SAMD5: variants seen among roughly 807,000 people sequenced by gnomAD.
SAMD5 encodes the protein sterile alpha motif domain containing 5.
A neutral mutation model predicts 11.3 loss-of-function variants in SAMD5; 13 were observed. The observed-to-expected ratio is 1.15, with a 90% CI of 0.75 to 1.83. SAMD5 has a LOEUF of 1.83. SAMD5 is among the 40% of genes most tolerant of loss of function. The probability of loss-of-function intolerance (pLI) is 0.00; values close to 1 mark genes in which losing one functional copy is unlikely to be tolerated. For missense variants in SAMD5, 255 were observed against 239.1 expected (o/e 1.07, Z -0.44); for synonymous variants, 129 against 111.3 (o/e 1.16, Z -1.00).
chr6:147,665,687 A>G (rs553843935), intron 1 of SAMD5, among the ~76,000 whole-genome samples: 17 of 152,334 alleles, frequency 1.1e-4, no homozygotes, highest in Admixed American at 1.0e-3. Flanking sequence ...ATCAACAGAC[A>G]TAATTTCTGC....
chr6:147,822,682 G>A, the SAMD5 span, among the ~76,000 whole-genome samples: 1 of 152,136 alleles, frequency 6.6e-6, no homozygotes, highest in Non-Finnish European at 1.5e-5. Context: ...ATTTCCTATA[G>A]GATTTGCAAA....
the SAMD5 span, among the ~76,000 whole-genome samples, chr6:147,805,234 T>A: frequency 6.6e-6 from 1 of 152,242 alleles, no homozygotes; most frequent in Non-Finnish European, 1.5e-5. Context: ...CTGTAAATAT[T>A]AATTACAGAC....
chr6:147,857,687 CT>C, the SAMD5 span, among the ~76,000 whole-genome samples: 3 of 149,118 alleles, frequency 2.0e-5, no homozygotes, highest in Non-Finnish European at 2.9e-5. Flanking sequence ...ATTTTTTCTT[CT>C]TTTTTTTCTT....
At chr6:147,522,826 C>A (rs1788274882) in intron 1 of SAMD5, among the ~76,000 whole-genome samples, 1 of 152,310 alleles carries the variant, frequency 6.6e-6, no homozygotes, top group Non-Finnish European at 1.5e-5. Flanking sequence ...GGGACCAGCA[C>A]CCCTGTTGCT....
chr6:147,870,898 G>A, the SAMD5 span, among the ~76,000 whole-genome samples: 1 of 152,212 alleles, frequency 6.6e-6, no homozygotes, highest in East Asian at 1.9e-4. Flanking sequence ...GCATTTCTCA[G>A]AATTTTTCCA....
At chr6:147,635,429 G>A (rs961126339) in intron 1 of SAMD5, among the ~76,000 whole-genome samples, 2 of 152,158 alleles carry the variant, frequency 1.3e-5, no homozygotes, top group African/African-American at 4.8e-5. Flanking sequence ...AATGAAGTTG[G>A]AATTCAAACT....
intron 1 of SAMD5, among the ~76,000 whole-genome samples, chr6:147,534,954 A>G (rs1438856803): frequency 6.6e-6 from 1 of 152,200 alleles, no homozygotes; most frequent in African/African-American, 2.4e-5. Context: ...AGTTTCTCCC[A>G]AAGTTAGTTC....
At chr6:147,946,446 A>G in the SAMD5 span, among the ~76,000 whole-genome samples, 3 of 152,234 alleles carry the variant, frequency 2.0e-5, no homozygotes, top group South Asian at 2.1e-4. Flanking sequence ...TTCATGGAGC[A>G]GTAGAGGTGA....
chr6:147,534,423 C>T (rs1028270545), intron 1 of SAMD5, among the ~76,000 whole-genome samples: 3 of 152,170 alleles, frequency 2.0e-5, no homozygotes, highest in Non-Finnish European at 2.9e-5. Context: ...CTTTACCTTG[C>T]CTGCTGCCTA....
At chr6:147,641,729 C>T (rs1452893411) in intron 1 of SAMD5, among the ~76,000 whole-genome samples, 12 of 152,214 alleles carry the variant, frequency 7.9e-5, no homozygotes, top group Admixed American at 7.2e-4. Flanking sequence ...CTCAAAACTC[C>T]GCTGTGCTCT....
intron 1 of SAMD5, among the ~76,000 whole-genome samples, chr6:147,619,538 A>G (rs1453346567): frequency 6.6e-6 from 1 of 152,248 alleles, no homozygotes; most frequent in Non-Finnish European, 1.5e-5. Flanking sequence ...AAGGTCACAA[A>G]TTAATCCAGG....
the SAMD5 span, among the ~76,000 whole-genome samples, chr6:147,944,511 T>G: frequency 6.6e-6 from 1 of 152,176 alleles, no homozygotes; most frequent in East Asian, 1.9e-4. Flanking sequence ...ACCGGTTTCC[T>G]CCCCTAACAC....
At chr6:147,891,369 T>G in the SAMD5 span, among the ~76,000 whole-genome samples, 1 of 152,002 alleles carries the variant, frequency 6.6e-6, no homozygotes, top group South Asian at 2.1e-4. Context: ...AGGAAAAAAA[T>G]GCAATCTTGA....
At chr6:147,658,434 T>C (rs779174756) in intron 1 of SAMD5, among the ~76,000 whole-genome samples, 1 of 151,986 alleles carries the variant, frequency 6.6e-6, no homozygotes, top group Non-Finnish European at 1.5e-5. Flanking sequence ...TATTCATATA[T>C]ATATTTTAAT....
intron 1 of SAMD5, chr6:147,730,085 A>AAT: frequency 2.3e-6 from 1 of 438,814 alleles, no homozygotes; most frequent in South Asian, 1.7e-5. Context: ...AAAAAAAAAA[A>AAT]AAAAAAAGAA....
the SAMD5 span, among the ~76,000 whole-genome samples, chr6:147,745,352 GA>G: frequency 2.0e-5 from 3 of 151,944 alleles, no homozygotes; most frequent in Admixed American, 6.6e-5. Flanking sequence ...AAATTTAATG[GA>G]AAAAAATGTC....
intron 1 of SAMD5, among the ~76,000 whole-genome samples, chr6:147,620,995 C>T (rs200968526): frequency 2.1e-4 from 26 of 122,596 alleles, no homozygotes; most frequent in African/African-American, 3.7e-4. Flanking sequence ...TGTGTGCGCG[C>T]GCGCACATGC....
intron 1 of SAMD5, among the ~76,000 whole-genome samples, chr6:147,601,291 G>T (rs765856941): frequency 8.6e-5 from 13 of 151,868 alleles, no homozygotes; most frequent in Non-Finnish European, 1.6e-4. Flanking sequence ...TGAGTTTATA[G>T]ATTATAAATG....
chr6:147,805,805 A>G, the SAMD5 span, among the ~76,000 whole-genome samples: 51 of 152,328 alleles, frequency 3.3e-4, no homozygotes, highest in Non-Finnish European at 6.5e-4. Context: ...AAAATTAAAA[A>G]TATTGAAGGG....
Sources: gnomAD v4.1 joint callset for allele counts (sites outside exome capture counted in the v4.1 genomes callset) on GRCh38, gnomAD v4.1.1 for gene constraint, MANE v1.5 for transcripts, NCBI Gene and HGNC (gene_info 2026-07-23, HGNC 2026-07-21) for gene names.